LRRFIP1: variants seen among roughly 807,000 people sequenced by gnomAD.
LRRFIP1 encodes the protein LRR binding FLII interacting protein 1.
Under a neutral mutation model 104.4 loss-of-function variants are expected in LRRFIP1, and 62 were observed. The ratio of observed to expected loss-of-function variants is 0.59; its 90% CI spans 0.48 to 0.73. LRRFIP1 has a LOEUF of 0.73. Among genes scored for constraint, LRRFIP1 ranks in the 30% least tolerant of loss-of-function variants. The pLI is 0.00. For missense variants in LRRFIP1, 796 were observed against 824.5 expected (o/e 0.97, Z 0.42); for synonymous variants, 300 against 299.0 (o/e 1.00, Z -0.03).
chr2:237,668,396 C>G (rs992042913), intron 1 of LRRFIP1, among the ~76,000 whole-genome samples: 8 of 152,172 alleles, frequency 5.3e-5, no homozygotes, highest in African/African-American at 1.9e-4. Flanking sequence ...TAAAGTCTGC[C>G]TTACCATCTT....
chr2:237,780,930 G>A lies in LRRFIP1; in HGVS notation c.*1398G>A, dbSNP rs1336569155. On this transcript the variant is annotated 3_prime_UTR_variant, in exon 24 of 24. Coordinates refer to ENST00000308482, the MANE Select transcript of LRRFIP1 (RefSeq NM_001137550.2). ...GAAGCAGACAAGTTATAGGGGGCTG[G>A]GGGCCAACACTGGCAAGTAGGAAAC... is the stretch of plus-strand genomic sequence containing the variant. Among the ~76,000 whole-genome samples the A allele has an allele frequency of 2.0e-5, 3 of 152,088 alleles. No individual in the cohort carries two copies. The highest frequency in any genetic ancestry group is 7.3e-5 in the African/African-American group (3 of 41,376).
chr2:237,677,838 C>G (rs760772121), intron 1 of LRRFIP1, among the ~76,000 whole-genome samples: 16 of 152,094 alleles, frequency 1.1e-4, no homozygotes, highest in Admixed American at 3.3e-4. Context: ...CCTCTGCCTT[C>G]CCCCAGAGAC....
chr2:237,679,630 C>T (rs565252878), intron 1 of LRRFIP1, among the ~76,000 whole-genome samples: 93 of 151,888 alleles, frequency 6.1e-4, no homozygotes, highest in Non-Finnish European at 7.9e-4. Context: ...TTTTTTGAGA[C>T]GGTGTATCGC....
At chr2:237,692,157 G>C in intron 1 of LRRFIP1, 1 of 1,005,180 alleles carries the variant, frequency 9.9e-7, no homozygotes, top group Non-Finnish European at 1.2e-6. Context: ...GTGGGGGGCG[G>C]GGCGGGCCGT....
chr2:237,774,353 T>C lies in LRRFIP1; in HGVS notation c.1708-5T>C, dbSNP rs777070094. The C allele has an allele frequency of 6.3e-7, 1 of 1,584,846 alleles. No homozygotes were observed. Among genetic ancestry groups the C allele is most frequent in the African/African-American group, 1.3e-5 (1 of 74,104 alleles). The stretch of plus-strand genomic sequence containing the variant: ...TATACATATGGTTTTTTTTCTACCT[T>C]TTAGGTAATAAGGTTAGAGAGTCAA... On this transcript the variant is annotated splice_region_variant and splice_polypyrimidine_tract_variant and intron_variant, in intron 22 of 23. Transcript: ENST00000308482.
At chr2:237,775,857 A>G (rs1356333568) in intron 23 of LRRFIP1, among the ~76,000 whole-genome samples, 1 of 152,132 alleles carries the variant, frequency 6.6e-6, no homozygotes, top group African/African-American at 2.4e-5. Context: ...AAAGGAAAGA[A>G]TCACTCATTT....
At chr2:237,726,991 T>C (rs1438217372) in intron 7 of LRRFIP1, among the ~76,000 whole-genome samples, 1 of 152,176 alleles carries the variant, frequency 6.6e-6, no homozygotes, top group African/African-American at 2.4e-5. Flanking sequence ...GTAGGAGGGC[T>C]GGATGAATAA....
At chr2:237,658,804 GTC>G (rs1489976562) in intron 1 of LRRFIP1, among the ~76,000 whole-genome samples, 1 of 152,128 alleles carries the variant, frequency 6.6e-6, no homozygotes, top group Non-Finnish European at 1.5e-5. Flanking sequence ...CCACCACCTG[GTC>G]TCTCCTTTGA....
At chr2:237,742,869 CAGGCAGTGCTCTG>C (rs2057302760) in intron 11 of LRRFIP1, among the ~76,000 whole-genome samples, 2 of 152,100 alleles carry the variant, frequency 1.3e-5, no homozygotes, top group South Asian at 4.1e-4. Flanking sequence ...TCATATGGAG[CAGGCAGTGCTCTG>C]AGGCAGGGAG....
chr2:237,712,134 G>A lies in LRRFIP1; in HGVS notation c.184-2125G>A, dbSNP rs55881348. Among the ~76,000 whole-genome samples, 1,520 of 152,300 alleles carry A rather than the reference G, an allele frequency of 1.0e-2. 92 individuals carry two copies. Among genetic ancestry groups the A allele is most frequent in the Admixed American group, 0.09 (1,380 of 15,296 alleles). On this transcript the variant is annotated intron_variant, in intron 2 of 23. Coordinates refer to ENST00000308482, the MANE Select transcript of LRRFIP1 (RefSeq NM_001137550.2). ...GGTGCTGTCACCTACCACTGGTGAC[G>A]GGCATCTTCCCAAACTTTACAGGTG... is the stretch of plus-strand genomic sequence containing the variant.
At chr2:237,725,865 C>T (rs537558752) in intron 7 of LRRFIP1, among the ~76,000 whole-genome samples, 24 of 152,224 alleles carry the variant, frequency 1.6e-4, no homozygotes, top group Non-Finnish European at 2.6e-4. Flanking sequence ...AGGGTTCCGC[C>T]ACAGAGCTAT....
At chr2:237,719,664 T>C (rs540283834) in intron 5 of LRRFIP1, 97 bp downstream of exon 5, 1 of 751,980 alleles carries the variant, frequency 1.3e-6, no homozygotes, top group African/African-American at 1.8e-5. Flanking sequence ...AATCTCTTAA[T>C]GATGATATCA....
chr2:237,769,663 G>T (rs1048032648), intron 19 of LRRFIP1: 1 of 398,362 alleles, frequency 2.5e-6, no homozygotes, highest in Non-Finnish European at 4.6e-6. Context: ...TTTGGCCCTA[G>T]CGTTCTTGCA....
At chr2:237,737,233 T>G (rs1460845540) in intron 10 of LRRFIP1, among the ~76,000 whole-genome samples, 1 of 152,190 alleles carries the variant, frequency 6.6e-6, no homozygotes, top group East Asian at 1.9e-4. Flanking sequence ...AGGAAGTTGT[T>G]TCTGGCAGAA....
At chr2:237,708,698 C>T (rs2093933829) in intron 2 of LRRFIP1, 68 bp downstream of exon 2, 8 of 1,500,238 alleles carry the variant, frequency 5.3e-6, no homozygotes, top group South Asian at 1.2e-5. Context: ...GGTGCAAGTG[C>T]AGGCACCTGT....
chr2:237,752,204 G>C (rs1350138636), intron 14 of LRRFIP1, among the ~76,000 whole-genome samples: 3 of 152,156 alleles, frequency 2.0e-5, no homozygotes, highest in Non-Finnish European at 4.4e-5. Context: ...TCAGGAGTTT[G>C]AGACCAGCCT....
chr2:237,687,964 A>C (rs1342987410), intron 1 of LRRFIP1, among the ~76,000 whole-genome samples: 1 of 152,166 alleles, frequency 6.6e-6, no homozygotes, highest in Non-Finnish European at 1.5e-5. Flanking sequence ...TGTGGCCCCA[A>C]ATTGGCTAAC....
intron 1 of LRRFIP1, among the ~76,000 whole-genome samples, chr2:237,673,619 T>C (rs111560518): frequency 6.6e-6 from 1 of 152,070 alleles, no homozygotes; most frequent in African/African-American, 2.4e-5. Context: ...GTAGCTGGCG[T>C]GGTATCTGGC....
At chr2:237,729,483 C>T (rs2094910158) in intron 8 of LRRFIP1, among the ~76,000 whole-genome samples, 1 of 151,094 alleles carries the variant, frequency 6.6e-6, no homozygotes, top group African/African-American at 2.5e-5. Flanking sequence ...CAGTGTGAAA[C>T]TCAGTAATTA....
Sources: allele counts gnomAD v4.1 joint callset (sites outside exome capture counted in the v4.1 genomes callset), GRCh38; gene constraint gnomAD v4.1.1; transcripts MANE v1.5; gene names NCBI Gene and HGNC (gene_info 2026-07-23, HGNC 2026-07-21).